Variants in TFEC observed in about 807,000 individuals in gnomAD.
TFEC encodes the protein transcription factor EC.
In TFEC, 31 loss-of-function variants were observed where a neutral mutation model predicts 41.6. That is an observed-to-expected ratio of 0.74 (90% confidence interval 0.56 to 1.01). TFEC has a LOEUF of 1.01. TFEC is among the 50% of genes least tolerant of loss of function. The probability of loss-of-function intolerance (pLI) is 0.00; values close to 1 mark genes in which losing one functional copy is unlikely to be tolerated. For missense variants in TFEC, 402 were observed against 404.1 expected, an observed-to-expected ratio of 0.99 and a Z score of 0.04; for synonymous variants, 143 against 140.6, an observed-to-expected ratio of 1.02 and a Z score of -0.12.
intron 3 of TFEC, among the ~76,000 whole-genome samples, chr7:116,049,659 A>C (rs967090491): frequency 1.3e-5 from 2 of 152,220 alleles, no homozygotes; most frequent in Non-Finnish European, 2.9e-5. Context: ...TCTCCACCAC[A>C]AATCAACAGA....
chr7:115,983,734 TA>T (rs1793729144), intron 2 of TFEC, among the ~76,000 whole-genome samples: 1 of 152,160 alleles, frequency 6.6e-6, no homozygotes. Flanking sequence ...AAATTTCGGT[TA>T]TTTAGTAAAT....
At chr7:115,941,038 G>T in intron 7 of TFEC, 107 bp from the exon 8 acceptor site, 1 of 1,022,510 alleles carries the variant, frequency 9.8e-7, no homozygotes. Context: ...TTAAAATGAA[G>T]AGTAATACAA....
At chr7:115,948,614 A>C (rs912241045) in intron 6 of TFEC, among the ~76,000 whole-genome samples, 18 of 151,904 alleles carry the variant, frequency 1.2e-4, no homozygotes, top group African/African-American at 3.6e-4. Context: ...ATTATCTCAA[A>C]AGATGCAGAA....
At chr7:115,987,851 C>T (rs1793926889) in intron 1 of TFEC, among the ~76,000 whole-genome samples, 1 of 151,894 alleles carries the variant, frequency 6.6e-6, no homozygotes, top group Non-Finnish European at 1.5e-5. Context: ...TCTTGGGAAT[C>T]CACTAGAAGA....
chr7:116,103,852 A>G (rs1199429173), intron 3 of TFEC, among the ~76,000 whole-genome samples: 1 of 152,154 alleles, frequency 6.6e-6, no homozygotes, highest in Non-Finnish European at 1.5e-5. Context: ...CAATGCCATG[A>G]TGCATTTTCA....
chr7:116,150,014 T>TCTC (rs1486672204), intron 1 of TFEC, among the ~76,000 whole-genome samples: 1 of 152,178 alleles, frequency 6.6e-6, no homozygotes, highest in Non-Finnish European at 1.5e-5. Flanking sequence ...AAATATACTT[T>TCTC]CTCCTCCCTA....
intron 1 of TFEC, among the ~76,000 whole-genome samples, chr7:116,157,910 G>A (rs557545426): frequency 1.4e-4 from 22 of 152,144 alleles, no homozygotes; most frequent in African/African-American, 5.3e-4. Context: ...TACATTATTC[G>A]GCTTTGAATT....
chr7:116,101,188 GC>G (rs150112321), intron 3 of TFEC, among the ~76,000 whole-genome samples: 1,470 of 109,872 alleles, frequency 0.013, 28 homozygotes, highest in African/African-American at 0.048. Context: ...CCACTTTCAT[GC>G]CCCCCCCCAA....
intron 3 of TFEC, among the ~76,000 whole-genome samples, chr7:116,046,542 A>G (rs10953799): frequency 0.61 from 93,264 of 151,972 alleles, 29,173 homozygotes; most frequent in East Asian, 0.74. Context: ...TCCCAGTCTC[A>G]GATGTGTCTT....
chr7:116,002,933 G>T (rs1562926802), intron 1 of TFEC, among the ~76,000 whole-genome samples: 2 of 151,934 alleles, frequency 1.3e-5, no homozygotes, highest in Non-Finnish European at 2.9e-5. Flanking sequence ...TAAGAAAGAA[G>T]AGCAAATGAA....
chr7:116,104,505 A>G (rs958767189), intron 3 of TFEC, among the ~76,000 whole-genome samples: 3 of 152,178 alleles, frequency 2.0e-5, no homozygotes, highest in Non-Finnish European at 2.9e-5. Flanking sequence ...AGAGTGCTAG[A>G]TACATTTGCT....
intron 1 of TFEC, among the ~76,000 whole-genome samples, chr7:116,139,799 G>C (rs181346060): frequency 6.6e-6 from 1 of 152,216 alleles, no homozygotes; most frequent in Admixed American, 6.5e-5. Context: ...CAAAAGGAGA[G>C]ACCAGAAGAT....
chr7:116,135,716 C>A (rs1347945619), intron 1 of TFEC, among the ~76,000 whole-genome samples: 2 of 152,072 alleles, frequency 1.3e-5, no homozygotes, highest in Non-Finnish European at 2.9e-5. Context: ...TTTCTGCCCC[C>A]TGCAAAGTGG....
chr7:115,944,913 C>T (rs956967566), intron 6 of TFEC, among the ~76,000 whole-genome samples: 1 of 151,122 alleles, frequency 6.6e-6, no homozygotes, highest in Non-Finnish European at 1.5e-5. Flanking sequence ...ATTTTCAATG[C>T]TATTCTTCCT....
At chr7:116,017,547 C>T (rs1486135676) in intron 1 of TFEC, among the ~76,000 whole-genome samples, 2 of 152,050 alleles carry the variant, frequency 1.3e-5, no homozygotes, top group Non-Finnish European at 2.9e-5. Context: ...GAATGAAATC[C>T]AGCTTCCGTA....
intron 1 of TFEC, among the ~76,000 whole-genome samples, chr7:115,995,294 T>C (rs936990199): frequency 3.3e-5 from 5 of 151,856 alleles, no homozygotes; most frequent in African/African-American, 1.2e-4. Flanking sequence ...TGTATACATA[T>C]GTAACAAACC....
At chr7:116,004,561 G>A (rs1794716902) in intron 1 of TFEC, among the ~76,000 whole-genome samples, 1 of 152,182 alleles carries the variant, frequency 6.6e-6, no homozygotes, top group Non-Finnish European at 1.5e-5. Context: ...CAGGGTATAT[G>A]TGGAAAATCT....
chr7:115,955,465 C>G (rs1299700682), intron 4 of TFEC, among the ~76,000 whole-genome samples: 1 of 152,026 alleles, frequency 6.6e-6, no homozygotes, highest in Non-Finnish European at 1.5e-5. Flanking sequence ...AGACCACTTG[C>G]CAACAGGAAG....
rs1161987765 is a variant in TFEC, at chr7:115,935,809, T to C, written c.*4742A>G. On this transcript the variant is annotated 3_prime_UTR_variant, in exon 8 of 8. Transcript: ENST00000265440. ...TATTCTTTATGCCTGTTGGATAATG[T>C]AAGAAAAAGACATTTTACAGAGAAT... The C allele has an allele frequency of 6.6e-6, 1 of 151,558 alleles. No homozygotes were observed. The highest frequency in any genetic ancestry group is 2.4e-5 in the African/African-American group (1 of 41,398). The allele number at this position is 151,558 out of a possible 1,614,324, so 9.4% of individuals were successfully genotyped here. A position where few individuals can be genotyped will look rare whatever the true frequency, so the allele number is the denominator to read the frequency against.
Sources: allele counts gnomAD v4.1 joint callset (sites outside exome capture counted in the v4.1 genomes callset), GRCh38; gene constraint gnomAD v4.1.1; transcripts MANE v1.5; gene names NCBI Gene and HGNC (gene_info 2026-07-23, HGNC 2026-07-21).